Variants in SAFB observed in about 807,000 individuals in gnomAD.
SAFB encodes scaffold attachment factor B.
In SAFB, 15 loss-of-function variants were observed where a neutral mutation model predicts 101.6. The ratio of observed to expected loss-of-function variants is 0.15; its 90% CI spans 0.10 to 0.23. The LOEUF (loss-of-function observed/expected upper bound fraction) is 0.23, where lower values mean the gene tolerates loss of function less well. Ranked by LOEUF, SAFB falls within the 10% of genes least tolerant of loss-of-function variation. SAFB has a pLI of 1.00. For synonymous variants in SAFB, 449 were observed against 407.5 expected (o/e 1.10, Z -1.23); for missense variants, 930 against 1,104.1 (o/e 0.84, Z 2.23).
intron 15 of SAFB, among the ~76,000 whole-genome samples, chr19:5,662,539 TTAAC>T (rs1342019634): frequency 6.6e-6 from 1 of 150,596 alleles, no homozygotes; most frequent in Non-Finnish European, 1.5e-5. Flanking sequence ...GTAGTGCTGG[TTAAC>T]TAACCAGGTT....
chr19:5,624,735 G>A (rs2053314968), intron 1 of SAFB, among the ~76,000 whole-genome samples: 1 of 150,600 alleles, frequency 6.6e-6, no homozygotes, highest in East Asian at 1.9e-4. Context: ...GCTCAAGGGT[G>A]GATAGTTGTC....
At chr19:5,647,311 A>G (rs1433944965) in intron 5 of SAFB, among the ~76,000 whole-genome samples, 1 of 152,202 alleles carries the variant, frequency 6.6e-6, no homozygotes, top group Non-Finnish European at 1.5e-5. Flanking sequence ...GGGAGGTGGC[A>G]TAGGGATCCA....
intron 15 of SAFB, 57 bp from the exon 16 acceptor site, chr19:5,663,965 T>G (rs1230504916): frequency 3.2e-6 from 5 of 1,577,872 alleles, no homozygotes; most frequent in Non-Finnish European, 3.5e-6. Context: ...CCCACAAAGG[T>G]GATAGATACA....
In SAFB at chr19:5,664,383, A is replaced by C; in HGVS notation, c.2292-14A>C. ...CTTCTTCCCCTTACGGTTTGATTTA[A>C]ATTGCCTTTTCAGGAGAGAAGGTTC... On this transcript the variant is annotated splice_polypyrimidine_tract_variant and intron_variant, in intron 16 of 20. Coordinates refer to ENST00000588852, the MANE Select transcript of SAFB (RefSeq NM_001201338.2). 1 of 1,610,858 alleles carries C rather than the reference A, an allele frequency of 6.2e-7. No individual in the cohort carries two copies. The highest frequency in any genetic ancestry group is 8.5e-7 in the Non-Finnish European group (1 of 1,177,072).
intron 2 of SAFB, among the ~76,000 whole-genome samples, chr19:5,628,032 C>G (rs1164140958): frequency 6.6e-6 from 1 of 152,124 alleles, no homozygotes; most frequent in East Asian, 1.9e-4. Context: ...GGACTGGTCA[C>G]CTGAGGTCAG....
chr19:5,661,532 G>A lies in SAFB; in HGVS notation c.1877G>A (p.Arg626His), dbSNP rs749345603. The change falls in exon 15 of 21, where the codon CGC (arginine) becomes CAC (histidine). Residue 626 changes from arginine to histidine, a missense_variant. Arg to His is a conservative substitution (Grantham distance 29). Around this residue, in one of 7 missense-constraint regions of SAFB, gnomAD observed 159 missense variants for 234.1 expected, o/e 0.68. Transcript: ENST00000588852. ...DSESHSRVRE[R>H]SEREQRMQAQ... is the part of the protein sequence containing the mutation. ...CTGTTGTGCAGCAGGGTGCGTGAAC[G>A]CAGTGAACGCGAACAACGCATGCAG... The A allele has an allele frequency of 2.5e-6, 4 of 1,612,790 alleles. No homozygotes were observed. The highest frequency in any genetic ancestry group is 3.4e-6 in the Non-Finnish European group (4 of 1,179,752).
intron 9 of SAFB, 24 bp from the exon 10 acceptor site, chr19:5,653,091 C>CAT (rs2053975305): frequency 1.2e-6 from 2 of 1,612,420 alleles, no homozygotes; most frequent in Non-Finnish European, 1.7e-6. Flanking sequence ...ATGTCTGAGT[C>CAT]ATATTTGCCT....
At position 5,650,736 on chromosome 19, in the gene SAFB, C is replaced by T. The variant is rs940975877; in HGVS notation, c.1199-242C>T. ...CGCAATTGCTAACTTTCTTAGGAAA[C>T]CTCACATTGTCCCAATAGCCCCACT... On this transcript the variant is annotated intron_variant, in intron 8 of 20. Transcript: ENST00000588852. Among the ~76,000 whole-genome samples, 6 of 152,134 alleles carry T rather than the reference C, an allele frequency of 3.9e-5. No homozygotes were observed. The East Asian group carries it at 9.6e-4, about 24-fold the overall frequency.
chr19:5,661,281 G>T (rs201636431), intron 14 of SAFB, among the ~76,000 whole-genome samples: 1 of 152,128 alleles, frequency 6.6e-6, no homozygotes, highest in Admixed American at 6.6e-5. Flanking sequence ...GGAAATGTTG[G>T]AGAAAGGAGG....
chr19:5,654,814 G>T (rs542741026), intron 13 of SAFB, among the ~76,000 whole-genome samples: 2 of 152,184 alleles, frequency 1.3e-5, no homozygotes, highest in African/African-American at 4.8e-5. Flanking sequence ...TGATCCGCCC[G>T]CCTCGGCCTC....
At chr19:5,655,559 G>C (rs2054040410) in intron 13 of SAFB, among the ~76,000 whole-genome samples, 1 of 151,708 alleles carries the variant, frequency 6.6e-6, no homozygotes. Flanking sequence ...CACTCTGAGA[G>C]CCAACTTCCC....
chr19:5,642,217 T>C (rs2053731546), intron 4 of SAFB, among the ~76,000 whole-genome samples: 1 of 152,196 alleles, frequency 6.6e-6, no homozygotes, highest in South Asian at 2.1e-4. Flanking sequence ...CCGGACTTGA[T>C]CTGTGGTGTT....
chr19:5,624,686 G>GA (rs1456358208), intron 1 of SAFB, among the ~76,000 whole-genome samples: 3 of 139,562 alleles, frequency 2.1e-5, no homozygotes, highest in Non-Finnish European at 4.6e-5. Flanking sequence ...AAGAAGTAGG[G>GA]ATTTTTTTTT....
At chr19:5,628,556 C>T (rs900309886) in intron 2 of SAFB, among the ~76,000 whole-genome samples, 1 of 152,140 alleles carries the variant, frequency 6.6e-6, no homozygotes, top group African/African-American at 2.4e-5. Context: ...TGTCAGTGCT[C>T]AGAAGGTTTC....
intron 15 of SAFB, among the ~76,000 whole-genome samples, chr19:5,662,354 C>T (rs1419097171): frequency 1.3e-5 from 2 of 151,972 alleles, no homozygotes; most frequent in South Asian, 2.1e-4. Context: ...AAAAATTGGT[C>T]GTGGTGACAG....
At position 5,667,435 on chromosome 19, in the gene SAFB, C is replaced by T. The variant is rs2054358020; in HGVS notation, c.2542C>T (p.His848Tyr). 6.6e-7 allele frequency: 1 copy of T among 1,519,258 alleles called. No homozygotes were observed. The highest frequency in any genetic ancestry group is 2.6e-5 in the Admixed American group (1 of 38,608). The allele number at this position is 1,519,258 out of a possible 1,614,324, so 94.1% of individuals were successfully genotyped here. A position where few individuals can be genotyped will look rare whatever the true frequency, so the allele number is the denominator to read the frequency against. ...TADGGMMDRD[H>Y]KRWQGGERSM... ...CGACGGGGGCATGATGGACAGGGAT[C>T]ACAAGAGGTGGCAAGGTGAGGAGCA... The change falls in exon 19 of 21, where the codon CAC (histidine) becomes TAC (tyrosine). Residue 848 changes from histidine to tyrosine, a missense_variant. Physicochemically the swap from His to Tyr is moderately conservative, Grantham distance 83 (BLOSUM62 2). This residue lies in a region of SAFB where 318 missense variants were observed against 342.6 expected (regional missense o/e 0.93). Coordinates refer to ENST00000588852, the MANE Select transcript of SAFB (RefSeq NM_001201338.2). The surrounding 1 kb of genome is among the most constrained non-coding windows in gnomAD (Gnocchi z 4.0).
At chr19:5,626,255 AGATGAGTGGATGGGCC>A in intron 1 of SAFB, 134 bp from the exon 2 acceptor site, 1 of 568,430 alleles carries the variant, frequency 1.8e-6, no homozygotes, top group Non-Finnish European at 3.2e-6. Flanking sequence ...GCGAGATAAC[AGATGAGTGGATGGGCC>A]ACAGGTCCTG....
At chr19:5,626,261 G>A (rs1568244175) in intron 1 of SAFB, 144 bp from the exon 2 acceptor site, 2 of 564,884 alleles carry the variant, frequency 3.5e-6, no homozygotes, top group Admixed American at 3.1e-5. Flanking sequence ...TAACAGATGA[G>A]TGGATGGGCC....
chr19:5,660,472 T>C (rs1188588777), intron 14 of SAFB, among the ~76,000 whole-genome samples: 1 of 147,632 alleles, frequency 6.8e-6, no homozygotes, highest in East Asian at 2.1e-4. Flanking sequence ...TCCTCCCACC[T>C]CTGCCTCCCA....
Sources: allele counts gnomAD v4.1 joint callset (sites outside exome capture counted in the v4.1 genomes callset), GRCh38; gene constraint gnomAD v4.1.1; regional missense constraint gnomAD v4.1.1; non-coding constraint Gnocchi (gnomAD v3.1); transcripts MANE v1.5; gene names NCBI Gene and HGNC (gene_info 2026-07-23, HGNC 2026-07-21).